Variants in ASAP2 observed in about 807,000 individuals in gnomAD.
The protein encoded by ASAP2 is arf-GAP with SH3 domain, ANK repeat and PH domain-containing protein 2.
In ASAP2, 45 loss-of-function variants were observed where a neutral mutation model predicts 131.4. The ratio of observed to expected loss-of-function variants is 0.34; its 90% CI spans 0.27 to 0.44. ASAP2 has a LOEUF of 0.44. Ranked by LOEUF, ASAP2 falls within the 20% of genes least tolerant of loss-of-function variation. The pLI is 1.00. For missense variants in ASAP2, 1,011 were observed against 1,297.0 expected, an observed-to-expected ratio of 0.78 and a Z score of 3.39; for synonymous variants, 510 against 503.0, an observed-to-expected ratio of 1.01 and a Z score of -0.19.
intron 1 of ASAP2, among the ~76,000 whole-genome samples, chr2:9,257,439 A>G (rs1368976681): frequency 6.6e-6 from 1 of 152,210 alleles, no homozygotes; most frequent in Admixed American, 6.5e-5. Flanking sequence ...TTAACTTTTT[A>G]ACAGGAGATT....
chr2:9,385,915 T>G (rs954105768), intron 21 of ASAP2, among the ~76,000 whole-genome samples: 2 of 152,238 alleles, frequency 1.3e-5, no homozygotes, highest in African/African-American at 4.8e-5. Context: ...AGCTCCCTTC[T>G]TACCATCCTC....
intron 4 of ASAP2, among the ~76,000 whole-genome samples, chr2:9,319,462 G>A (rs944225477): frequency 6.6e-6 from 1 of 152,218 alleles, no homozygotes; most frequent in Non-Finnish European, 1.5e-5. Flanking sequence ...TGGAGAACAG[G>A]TCAGCGGAGT....
At chr2:9,245,036 A>AGGCCT (rs1220429581) in intron 1 of ASAP2, among the ~76,000 whole-genome samples, 1 of 152,196 alleles carries the variant, frequency 6.6e-6, no homozygotes, top group Non-Finnish European at 1.5e-5. Context: ...TGAATCATGC[A>AGGCCT]GGCCTAGGTT....
At chr2:9,341,420 C>T (rs1671567200) in intron 9 of ASAP2, among the ~76,000 whole-genome samples, 1 of 152,144 alleles carries the variant, frequency 6.6e-6, no homozygotes, top group African/African-American at 2.4e-5. Context: ...TTCAATTGGC[C>T]TAAAGAAAAG....
At position 9,281,101 on chromosome 2, in the gene ASAP2, T is replaced by C. The variant is rs1304109461; in HGVS notation, c.199+1712T>C. Among the ~76,000 whole-genome samples, 1 of 152,208 alleles carries C rather than the reference T, an allele frequency of 6.6e-6. No homozygotes were observed. Among genetic ancestry groups the C allele is most frequent in the African/African-American group, 2.4e-5 (1 of 41,444 alleles). ...CTAAGAAATGGTACGCCCAGTTTCA[T>C]TGACAAGCACCAGATTTCAAAAAGT... On this transcript the variant is annotated intron_variant, in intron 2 of 27. Coordinates refer to ENST00000281419, the MANE Select transcript of ASAP2 (RefSeq NM_003887.3). This position sits in a 1 kb window ranked among gnomAD's most constrained non-coding sequence, Gnocchi z 4.0.
chr2:9,288,015 A>G (rs1198362766), intron 2 of ASAP2, among the ~76,000 whole-genome samples: 1 of 152,178 alleles, frequency 6.6e-6, no homozygotes, highest in African/African-American at 2.4e-5. Context: ...GGCCGCATGC[A>G]TCTGTAAGAC....
intron 15 of ASAP2, among the ~76,000 whole-genome samples, chr2:9,361,997 G>GTGTGTGTGTGTGTC (rs1403119389): frequency 6.6e-6 from 1 of 151,814 alleles, no homozygotes; most frequent in Non-Finnish European, 1.5e-5. Flanking sequence ...GTGTGTGTGT[G>GTGTGTGTGTGTGTC]TGTGTGTGTG....
At chr2:9,307,125 G>T (rs1177340765) in intron 3 of ASAP2, among the ~76,000 whole-genome samples, 3 of 152,222 alleles carry the variant, frequency 2.0e-5, no homozygotes, top group African/African-American at 4.8e-5. Flanking sequence ...TCACCTGCAG[G>T]GTTGTGGCTC....
At position 9,206,980 on chromosome 2, in the gene ASAP2, C is replaced by G; in HGVS notation, c.-125C>G. 1 of 943,798 alleles carries G rather than the reference C, an allele frequency of 1.1e-6. No homozygotes were observed. Among genetic ancestry groups the G allele is most frequent in the Non-Finnish European group, 1.3e-6 (1 of 787,678 alleles). 58.5% of individuals were successfully genotyped at this position (943,798 alleles called of 1,614,324 possible). A position where few individuals can be genotyped will look rare whatever the true frequency, so the allele number is the denominator to read the frequency against. On this transcript the variant is annotated 5_prime_UTR_variant, in exon 1 of 28. Coordinates refer to ENST00000281419, the MANE Select transcript of ASAP2 (RefSeq NM_003887.3). The surrounding 1 kb of genome is among the most constrained non-coding windows in gnomAD (Gnocchi z 4.0). ...CCGCGCGGCTCCCGCGCCCGGCGCT[C>G]CCCTTTGTCCGCGGGCCGGAGCGGC...
chr2:9,280,537 A>G (rs928891317), intron 2 of ASAP2, among the ~76,000 whole-genome samples: 3 of 152,240 alleles, frequency 2.0e-5, no homozygotes, highest in African/African-American at 7.2e-5. Context: ...CAGAAGACGC[A>G]CAGGAATCCT....
intron 2 of ASAP2, among the ~76,000 whole-genome samples, chr2:9,291,130 T>C (rs1667780299): frequency 2.0e-5 from 3 of 152,356 alleles, no homozygotes; most frequent in Admixed American, 2.0e-4. Flanking sequence ...AGAAATACTG[T>C]TAATTTAACC....
At chr2:9,305,476 G>A (rs1235003749) in intron 3 of ASAP2, among the ~76,000 whole-genome samples, 2 of 80,626 alleles carry the variant, frequency 2.5e-5, no homozygotes, top group African/African-American at 8.1e-5. Flanking sequence ...GTAGTAGTGG[G>A]GTATAGATAT....
At chr2:9,312,873 A>T (rs775208327) in intron 3 of ASAP2, among the ~76,000 whole-genome samples, 8 of 152,040 alleles carry the variant, frequency 5.3e-5, no homozygotes, top group Non-Finnish European at 1.2e-4. Context: ...GGCCAACATG[A>T]TGAAACCCCG....
chr2:9,331,002 C>G (rs529312935), intron 7 of ASAP2, among the ~76,000 whole-genome samples: 2 of 152,246 alleles, frequency 1.3e-5, no homozygotes, highest in Admixed American at 6.5e-5. Flanking sequence ...ACGTGGAGCT[C>G]GAGCAACTCA....
At chr2:9,231,420 C>T (rs1043517997) in intron 1 of ASAP2, among the ~76,000 whole-genome samples, 16 of 152,222 alleles carry the variant, frequency 1.1e-4, no homozygotes, top group Admixed American at 7.2e-4. Flanking sequence ...GAGGCAACAG[C>T]CTGGGCTTTG....
intron 16 of ASAP2, among the ~76,000 whole-genome samples, 172 bp downstream of exon 16, chr2:9,368,691 G>T (rs561856052): frequency 6.6e-6 from 1 of 152,302 alleles, no homozygotes; most frequent in Non-Finnish European, 1.5e-5. Context: ...TGACCAAATA[G>T]AAATTTTTTT....
chr2:9,283,288 G>C (rs1273824651), intron 2 of ASAP2, among the ~76,000 whole-genome samples: 1 of 152,192 alleles, frequency 6.6e-6, no homozygotes, highest in Non-Finnish European at 1.5e-5. Flanking sequence ...ATGCTGGCTA[G>C]GCTGATCTCG....
At chr2:9,319,069 G>T (rs983977622) in intron 4 of ASAP2, among the ~76,000 whole-genome samples, 1 of 152,212 alleles carries the variant, frequency 6.6e-6, no homozygotes, top group African/African-American at 2.4e-5. Context: ...GACATGCCTA[G>T]CCACCATAAG....
Position 9,393,594 on chromosome 2 carries a change from A to C in ASAP2, c.2631A>C (p.Pro877=). The change falls in exon 24 of 28, where the codon CCA becomes CCC. Residue 877 remains proline (P), a synonymous_variant. Coordinates refer to ENST00000281419, the MANE Select transcript of ASAP2 (RefSeq NM_003887.3). The part of the protein sequence containing the change: ...APPGISQIRP[P]PLPPQPPSRL... Reference sequence around the variant, plus strand: ...CTGGGATCTCACAGATCAGGCCCCCACCTCTGCCCCCACAGCCGCCCAGCC... The same window carrying C: ...CTGGGATCTCACAGATCAGGCCCCCCCCTCTGCCCCCACAGCCGCCCAGCC... 1 of 1,588,058 alleles carries C rather than the reference A, an allele frequency of 6.3e-7. No individual in the cohort carries two copies. The highest frequency in any genetic ancestry group is 8.5e-7 in the Non-Finnish European group (1 of 1,169,918).
Sources: allele counts gnomAD v4.1 joint callset (sites outside exome capture counted in the v4.1 genomes callset), GRCh38; gene constraint gnomAD v4.1.1; non-coding constraint Gnocchi (gnomAD v3.1); transcripts MANE v1.5; gene names NCBI Gene and HGNC (gene_info 2026-07-23, HGNC 2026-07-21).